Variants in NOTCH1 observed in about 807,000 individuals in gnomAD.
The protein encoded by NOTCH1 is neurogenic locus notch homolog protein 1.
A neutral mutation model predicts 254.8 loss-of-function variants in NOTCH1; 37 were observed. That is an observed-to-expected ratio of 0.15 (90% CI 0.11 to 0.19). NOTCH1 has a LOEUF of 0.19. Ranked by LOEUF, NOTCH1 falls within the 10% of genes least tolerant of loss-of-function variation. The pLI is 1.00. For synonymous variants in NOTCH1, 1,731 were observed against 1,618.1 expected (o/e 1.07, Z -1.68); for missense variants, 2,972 against 3,708.6 (o/e 0.80, Z 5.16).
In NOTCH1 at chr9:136,545,994, GCCCGCGCCCCGCGC is replaced by G. The variant is rs560345462; in HGVS notation, c.-222_-209del. On this transcript the variant is annotated 5_prime_UTR_variant, in exon 1 of 34. Coordinates refer to ENST00000651671, the MANE Select transcript of NOTCH1 (RefSeq NM_017617.5). This position sits in a 1 kb window ranked among gnomAD's most constrained non-coding sequence, Gnocchi z 6.8. Reference sequence around the variant, plus strand: ...GTTCCTTCGCTGCGCTCGCGCCCGCGCCCGCGCCCCGCGCCCCGCGCCCTTGCGCTCCCTCCCGC... The same window carrying G: ...GTTCCTTCGCTGCGCTCGCGCCCGCGCCCGCGCCCTTGCGCTCCCTCCCGC... Among the ~76,000 whole-genome samples the G allele has an allele frequency of 3.2e-5, 4 of 124,374 alleles. No individual in the cohort carries two copies. The highest frequency in any genetic ancestry group is 2.5e-4 in the South Asian group (1 of 3,976). 81.6% of individuals were successfully genotyped at this position (124,374 alleles called of 152,430 possible).
At chr9:136,523,604 T>G (rs894626054) in intron 3 of NOTCH1, 113 bp downstream of exon 3, 1 of 1,383,104 alleles carries the variant, frequency 7.2e-7, no homozygotes, top group East Asian at 2.5e-5. Context: ...GGGCTCCCAA[T>G]TACTTCCGGG....
intron 30 of NOTCH1, among the ~76,000 whole-genome samples, chr9:136,501,170 C>T (rs1042101034): frequency 6.6e-6 from 1 of 152,242 alleles, no homozygotes; most frequent in African/African-American, 2.4e-5. Flanking sequence ...TGCGGAGGCT[C>T]ACGCTGTCAT....
chr9:136,543,882 A>T, intron 2 of NOTCH1, 142 bp downstream of exon 2: 1 of 808,750 alleles, frequency 1.2e-6, no homozygotes. Context: ...GACTTTGTCC[A>T]ATAAAAGTCA....
rs1218875928 is a variant in NOTCH1, at chr9:136,509,916, G to A, written c.2786C>T (p.Ala929Val). The change falls in exon 18 of 34, where the codon GCC becomes GTC. Residue 929 changes from alanine to valine, a missense_variant. By Grantham distance (64) the Ala-to-Val change is moderately conservative (BLOSUM62 0). Coordinates refer to ENST00000651671, the MANE Select transcript of NOTCH1 (RefSeq NM_017617.5). ...GAAGCCGGGCAGGCAGTCGCAGAAG[G>A]CCGTGTTGATGCCGTCTGTGCAGGA... ...GGSCTDGINT[A>V]FCDCLPGFRG... 6.2e-7 allele frequency: 1 copy of A among 1,613,266 alleles called. No homozygotes were observed. Among genetic ancestry groups the A allele is most frequent in the Non-Finnish European group, 8.5e-7 (1 of 1,180,020 alleles).
chr9:136,522,080 T>G (rs1334986246), intron 4 of NOTCH1, among the ~76,000 whole-genome samples: 1 of 150,668 alleles, frequency 6.6e-6, no homozygotes, highest in African/African-American at 2.5e-5. Flanking sequence ...CGGGTTCAAG[T>G]GATTCTCCTC....
rs150343794 is a variant in NOTCH1, at chr9:136,505,847, C to T, written c.4049G>A (p.Arg1350His). The T allele has an allele frequency of 7.6e-5, 122 of 1,594,842 alleles. No homozygotes were observed. Among genetic ancestry groups the T allele is most frequent in the Middle Eastern group, 3.4e-4 (2 of 5,928 alleles). The change falls in exon 25 of 34, where the codon CGT becomes CAT. Residue 1350 changes from arginine to histidine, a missense_variant. Coordinates refer to ENST00000651671, the MANE Select transcript of NOTCH1 (RefSeq NM_017617.5). ...FEGATCENDA[R>H]TCGSLRCLNG... ...GAGGCAGCGCAGGCTGCCGCAGGTA[C>T]GAGCGTCATTCTCACACGTGGCGCC...
At chr9:136,530,905 G>A (rs1589077122) in intron 2 of NOTCH1, among the ~76,000 whole-genome samples, 2 of 152,190 alleles carry the variant, frequency 1.3e-5, no homozygotes, top group Non-Finnish European at 1.5e-5. Flanking sequence ...GAATGAAGTC[G>A]GGCATCACAG....
At chr9:136,543,973 C>T (rs1589084065) in intron 2 of NOTCH1, 51 bp downstream of exon 2, 1 of 1,505,980 alleles carries the variant, frequency 6.6e-7, no homozygotes, top group Non-Finnish European at 9.0e-7. Context: ...CTGCAGAAGG[C>T]AGGGGCTCTG....
At position 136,508,752 on chromosome 9, in the gene NOTCH1, G is replaced by A. The variant is rs115228361; in HGVS notation, c.3171+118C>T. On this transcript the variant is annotated intron_variant, in intron 19 of 33. Coordinates refer to ENST00000651671, the MANE Select transcript of NOTCH1 (RefSeq NM_017617.5). ...GATCCCCAGAAACCCTCTGCCCGGG[G>A]GTGTGGGGGTGACCCCGAGCCGACA... is the stretch of plus-strand genomic sequence containing the variant. 9 of 1,032,934 alleles carry A rather than the reference G, an allele frequency of 8.7e-6. No individual in the cohort carries two copies. The Admixed American group carries it at 9.8e-5, about 11-fold the overall frequency. 64.0% of individuals were successfully genotyped at this position (1,032,934 alleles called of 1,614,324 possible). A position where few individuals can be genotyped will look rare whatever the true frequency, so the allele number is the denominator to read the frequency against.
chr9:136,524,232 G>C (rs1030334589), intron 2 of NOTCH1, among the ~76,000 whole-genome samples: 1 of 152,224 alleles, frequency 6.6e-6, no homozygotes, highest in Non-Finnish European at 1.5e-5. Flanking sequence ...CTTGAACCCA[G>C]GAGGCAGAGG....
In NOTCH1 at chr9:136,498,990, G is replaced by C. The variant is rs1162986139; in HGVS notation, c.6089C>G (p.Ser2030Cys). Residue 2030 changes from serine (S) to cysteine (C), a missense_variant, in exon 33 of 34, where the codon TCC becomes TGC. Ser to Cys is a moderately radical substitution (Grantham distance 112). This residue lies in a region of NOTCH1 where 421 missense variants were observed against 604.4 expected (regional missense o/e 0.70). Transcript: ENST00000651671. ...DVNAVDDLGK[S>C]ALHWAAAVNN... ...CACGGCGGCGGCCCAGTGCAGGGCG[G>C]ACTTGCCTGCGTGAAAGAAGCAGAT... The C allele has an allele frequency of 6.2e-7, 1 of 1,613,380 alleles. No homozygotes were observed. Among genetic ancestry groups the C allele is most frequent in the South Asian group, 1.1e-5 (1 of 91,084 alleles).
chr9:136,521,276 A>G (rs916782518), intron 4 of NOTCH1, among the ~76,000 whole-genome samples: 1 of 151,916 alleles, frequency 6.6e-6, no homozygotes, highest in African/African-American at 2.4e-5. Context: ...CGGACGGGTG[A>G]CCCAGCCCCC....
chr9:136,527,896 C>T (rs146815569), intron 2 of NOTCH1, among the ~76,000 whole-genome samples: 4,345 of 152,252 alleles, frequency 0.029, 128 homozygotes, highest in Admixed American at 0.073. Flanking sequence ...CCACCTCTAC[C>T]GCCACCACTT....
At chr9:136,544,384 G>A (rs1843780422) in intron 1 of NOTCH1, among the ~76,000 whole-genome samples, 1 of 152,200 alleles carries the variant, frequency 6.6e-6, no homozygotes. Context: ...GGGTGGGGTG[G>A]CCTGATGTGC....
At chr9:136,511,852 G>A (rs1843186510) in intron 15 of NOTCH1, among the ~76,000 whole-genome samples, 1 of 152,218 alleles carries the variant, frequency 6.6e-6, no homozygotes, top group South Asian at 2.1e-4. Flanking sequence ...GACCTCCAGG[G>A]CCACGCAGGG....
intron 31 of NOTCH1, 151 bp downstream of exon 31, chr9:136,500,401 G>T: frequency 2.1e-6 from 2 of 954,744 alleles, no homozygotes; most frequent in Non-Finnish European, 3.2e-6. Context: ...GCACCTCGCT[G>T]ACTGCGAAGG....
At chr9:136,526,645 T>C (rs1047264917) in intron 2 of NOTCH1, among the ~76,000 whole-genome samples, 6 of 152,182 alleles carry the variant, frequency 3.9e-5, no homozygotes, top group African/African-American at 1.4e-4. Context: ...TGTCCCTGAA[T>C]GGACCACGAC....
Position 136,494,590 on chromosome 9 carries a change from T to C in NOTCH1, c.*1481A>G. On this transcript the variant is annotated 3_prime_UTR_variant, in exon 34 of 34. Coordinates refer to ENST00000651671, the MANE Select transcript of NOTCH1 (RefSeq NM_017617.5). The stretch of plus-strand genomic sequence containing the variant: ...ATAAAACACAGTAAAAATCAACATC[T>C]TGGGACGCATCTGGTCATGCCCCCT... 3 of 399,016 alleles carry C rather than the reference T, an allele frequency of 7.5e-6. No homozygotes were observed. Among genetic ancestry groups the C allele is most frequent in the Non-Finnish European group, 1.3e-5 (3 of 226,062 alleles). 24.7% of individuals were successfully genotyped at this position (399,016 alleles called of 1,614,324 possible).
In NOTCH1 at chr9:136,543,754, C is replaced by T. The variant is rs956537129; in HGVS notation, c.140+270G>A. ...GGGGACTTAAAGAAGAATTGGGGTACTGGGACTCCCACTTAGTGACCCCGG... is the reference window on the plus strand; with the variant it reads ...GGGGACTTAAAGAAGAATTGGGGTATTGGGACTCCCACTTAGTGACCCCGG... On this transcript the variant is annotated intron_variant, in intron 2 of 33. Transcript: ENST00000651671. 13 of 585,746 alleles carry T rather than the reference C, an allele frequency of 2.2e-5. No homozygotes were observed. The African/African-American group carries it at 2.2e-4, about 10-fold the overall frequency. 36.3% of individuals were successfully genotyped at this position (585,746 alleles called of 1,614,324 possible).
Sources: allele counts gnomAD v4.1 joint callset (sites outside exome capture counted in the v4.1 genomes callset), GRCh38; gene constraint gnomAD v4.1.1; regional missense constraint gnomAD v4.1.1; non-coding constraint Gnocchi (gnomAD v3.1); transcripts MANE v1.5; gene names NCBI Gene and HGNC (gene_info 2026-07-23, HGNC 2026-07-21).